The following RASAL2 variants were observed in gnomAD, a reference collection of about 807,000 sequenced individuals.
RASAL2 encodes the protein RAS protein activator like 2.
RASAL2 carries 58 observed loss-of-function variants against 128.9 expected under a neutral mutation model. The ratio of observed to expected loss-of-function variants is 0.45; its 90% CI spans 0.36 to 0.56. The LOEUF is 0.56. Ranked by LOEUF, RASAL2 falls within the 20% of genes least tolerant of loss-of-function variation. The pLI is 0.00. For missense variants in RASAL2, 1,360 were observed against 1,601.6 expected, an observed-to-expected ratio of 0.85 and a Z score of 2.57; for synonymous variants, 561 against 580.8, an observed-to-expected ratio of 0.97 and a Z score of 0.49.
intron 1 of RASAL2, among the ~76,000 whole-genome samples, chr1:178,111,487 T>C (rs1571488527): frequency 6.6e-6 from 1 of 152,194 alleles, no homozygotes; most frequent in African/African-American, 2.4e-5. Flanking sequence ...GTGTGGCAGG[T>C]TCCATTATCA....
chr1:178,303,428 A>G (rs1389799415), intron 3 of RASAL2, among the ~76,000 whole-genome samples: 50 of 152,098 alleles, frequency 3.3e-4, no homozygotes, highest in Non-Finnish European at 2.9e-5. Flanking sequence ...ACCACACCCA[A>G]AATGCACTAA....
intron 1 of RASAL2, among the ~76,000 whole-genome samples, chr1:178,268,825 A>G (rs1666108649): frequency 6.6e-6 from 1 of 152,192 alleles, no homozygotes; most frequent in Non-Finnish European, 1.5e-5. Flanking sequence ...TCAGCCTGCC[A>G]GTCTCTTTAA....
intron 12 of RASAL2, among the ~76,000 whole-genome samples, chr1:178,455,211 C>T (rs895337758): frequency 2.0e-5 from 3 of 151,904 alleles, no homozygotes; most frequent in South Asian, 2.1e-4. Context: ...TATTATATAC[C>T]GTATTAATAA....
chr1:178,113,564 G>A (rs992311318), intron 1 of RASAL2, among the ~76,000 whole-genome samples: 8 of 131,308 alleles, frequency 6.1e-5, no homozygotes, highest in Non-Finnish European at 1.3e-4. Flanking sequence ...GTGTGTGTGT[G>A]TAGAGGCAGA....
intron 3 of RASAL2, among the ~76,000 whole-genome samples, chr1:178,329,434 A>G (rs1423732652): frequency 6.6e-6 from 1 of 151,956 alleles, no homozygotes; most frequent in African/African-American, 2.4e-5. Flanking sequence ...AATAAATACA[A>G]CCCCCTTGAA....
At chr1:178,393,395 A>G (rs190458967) in intron 4 of RASAL2, among the ~76,000 whole-genome samples, 272 of 152,316 alleles carry the variant, frequency 1.8e-3, no homozygotes, top group Non-Finnish European at 2.1e-3. Flanking sequence ...TCTCATCAGG[A>G]ACACACAACC....
intron 1 of RASAL2, among the ~76,000 whole-genome samples, chr1:178,196,340 G>A (rs978215508): frequency 7.2e-5 from 11 of 152,074 alleles, no homozygotes; most frequent in Non-Finnish European, 1.5e-5. Flanking sequence ...GAAGATATTT[G>A]CAACATGTAA....
intron 1 of RASAL2, among the ~76,000 whole-genome samples, chr1:178,263,839 T>C (rs1163826662): frequency 1.3e-5 from 2 of 152,178 alleles, no homozygotes; most frequent in Admixed American, 1.3e-4. Flanking sequence ...ACAGGCCATA[T>C]GCCACCATGC....
intron 2 of RASAL2, among the ~76,000 whole-genome samples, chr1:178,297,192 G>A (rs367752535): frequency 3.3e-5 from 5 of 152,074 alleles, no homozygotes; most frequent in East Asian, 1.9e-4. Context: ...ATGTATAGCT[G>A]ATTCTCTTAG....
At chr1:178,112,504 C>T (rs912948985) in intron 1 of RASAL2, among the ~76,000 whole-genome samples, 1 of 151,560 alleles carries the variant, frequency 6.6e-6, no homozygotes, top group Non-Finnish European at 1.5e-5. Flanking sequence ...GAGCCAGGAT[C>T]GCGACACTGC....
chr1:178,317,851 C>G (rs1018296857), intron 3 of RASAL2, among the ~76,000 whole-genome samples: 3 of 151,348 alleles, frequency 2.0e-5, no homozygotes, highest in South Asian at 2.1e-4. Flanking sequence ...AATGTGTTTG[C>G]TCTGGCTTTT....
intron 4 of RASAL2, among the ~76,000 whole-genome samples, chr1:178,407,474 T>G (rs1027057859): frequency 1.3e-5 from 2 of 152,210 alleles, no homozygotes; most frequent in Non-Finnish European, 1.5e-5. Context: ...AAAACAAATA[T>G]GTAAAATACA....
At chr1:178,100,387 A>G (rs572563069) in intron 1 of RASAL2, among the ~76,000 whole-genome samples, 3 of 151,216 alleles carry the variant, frequency 2.0e-5, no homozygotes, top group African/African-American at 7.3e-5. Context: ...TTAGCAGGGC[A>G]TGGTGGCACA....
chr1:178,257,423 A>ATGTGTGTGTGTGTGTGTGTGTG lies in RASAL2; in HGVS notation c.203-26129_203-26108dup, dbSNP rs71108037. ...GACAGTGTGGTGCTGGCTCAGGGAT[A>ATGTGTGTGTGTGTGTGTGTGTG]TGTGTGTGTGTGTGTGTGTGTGTGT... is the stretch of plus-strand genomic sequence containing the variant. On this transcript the variant is annotated intron_variant, in intron 1 of 17. Coordinates refer to ENST00000367649, the MANE Select transcript of RASAL2 (RefSeq NM_170692.4). 8.8e-4 allele frequency among the ~76,000 whole-genome samples: 130 copies of ATGTGTGTGTGTGTGTGTGTGTG among 147,236 alleles called. 1 individual carries two copies. Among genetic ancestry groups the ATGTGTGTGTGTGTGTGTGTGTG allele is most frequent in the East Asian group, 5.2e-3 (26 of 5,026 alleles).
intron 4 of RASAL2, among the ~76,000 whole-genome samples, chr1:178,416,626 A>T (rs1309997553): frequency 6.6e-6 from 1 of 152,074 alleles, no homozygotes; most frequent in African/African-American, 2.4e-5. Context: ...ACTTCTTTAA[A>T]CATTTTTTGC....
At chr1:178,222,183 T>G (rs1304438467) in intron 1 of RASAL2, among the ~76,000 whole-genome samples, 3 of 152,174 alleles carry the variant, frequency 2.0e-5, no homozygotes, top group African/African-American at 7.2e-5. Flanking sequence ...GTTTTGTGAT[T>G]TATTCTAACG....
intron 1 of RASAL2, among the ~76,000 whole-genome samples, chr1:178,262,862 G>A (rs1009811984): frequency 6.7e-6 from 1 of 148,156 alleles, no homozygotes; most frequent in Non-Finnish European, 1.5e-5. Flanking sequence ...ACATTAAGCT[G>A]AACAAATAGA....
intron 3 of RASAL2, among the ~76,000 whole-genome samples, chr1:178,380,257 C>G (rs1672209090): frequency 6.6e-6 from 1 of 152,026 alleles, no homozygotes; most frequent in African/African-American, 2.4e-5. Context: ...ACCTAATTTC[C>G]CATGAGGCTT....
chr1:178,451,776 T>C, intron 10 of RASAL2, 61 bp downstream of exon 10: 3 of 1,524,974 alleles, frequency 2.0e-6, no homozygotes, highest in Non-Finnish European at 2.7e-6. Flanking sequence ...CAGTGGAACT[T>C]ACATTTTTTC....
Sources: gnomAD v4.1 joint callset for allele counts (sites outside exome capture counted in the v4.1 genomes callset) on GRCh38, gnomAD v4.1.1 for gene constraint, MANE v1.5 for transcripts, NCBI Gene and HGNC (gene_info 2026-07-23, HGNC 2026-07-21) for gene names.